SPATA17: variants seen among roughly 807,000 people sequenced by gnomAD.
The protein encoded by SPATA17 is spermatogenesis-associated protein 17.
SPATA17 carries 53 observed loss-of-function variants against 62.2 expected under a neutral mutation model. The observed-to-expected ratio is 0.85, with a 90% CI of 0.68 to 1.07. SPATA17 has a LOEUF of 1.07. Ranked by LOEUF, SPATA17 falls within the 50% of genes least tolerant of loss-of-function variation. The pLI is 0.00. For missense variants in SPATA17, 466 were observed against 425.5 expected (o/e 1.10, Z -0.84); for synonymous variants, 146 against 146.8 (o/e 0.99, Z 0.04).
At chr1:217,664,027 A>G (rs1284088197) in intron 3 of SPATA17, among the ~76,000 whole-genome samples, 1 of 152,086 alleles carries the variant, frequency 6.6e-6, no homozygotes, top group Non-Finnish European at 1.5e-5. Context: ...GTCTTTTAAT[A>G]TAAATTAAGC....
intron 9 of SPATA17, among the ~76,000 whole-genome samples, chr1:217,814,364 T>C (rs1371670320): frequency 6.6e-6 from 1 of 152,156 alleles, no homozygotes; most frequent in Non-Finnish European, 1.5e-5. Context: ...AACATTTCCG[T>C]CGGAGGTCTG....
intron 5 of SPATA17, among the ~76,000 whole-genome samples, chr1:217,730,266 A>G (rs1202474897): frequency 6.7e-6 from 1 of 149,808 alleles, no homozygotes; most frequent in African/African-American, 2.5e-5. Context: ...CGCCAAGGCT[A>G]CAGTGCAATG....
chr1:217,700,883 G>C (rs1042517893), intron 5 of SPATA17, among the ~76,000 whole-genome samples: 4 of 151,264 alleles, frequency 2.6e-5, no homozygotes, highest in African/African-American at 9.7e-5. Context: ...TGGGATTACG[G>C]TTATGAGGCA....
chr1:217,658,175 G>A (rs1285133379), intron 3 of SPATA17, among the ~76,000 whole-genome samples: 1 of 152,198 alleles, frequency 6.6e-6, no homozygotes, highest in African/African-American at 2.4e-5. Flanking sequence ...ATATAACCCA[G>A]TGTTGGAGGT....
chr1:217,682,275 T>C (rs1346390832), intron 4 of SPATA17, among the ~76,000 whole-genome samples: 1 of 151,880 alleles, frequency 6.6e-6, no homozygotes, highest in Non-Finnish European at 1.5e-5. Flanking sequence ...TTAAGGACAG[T>C]GACTGATTCT....
chr1:217,725,644 G>A (rs887696169), intron 5 of SPATA17, among the ~76,000 whole-genome samples: 1 of 152,098 alleles, frequency 6.6e-6, no homozygotes, highest in African/African-American at 2.4e-5. Flanking sequence ...TGTATTTTTA[G>A]TAGAGACAGA....
At chr1:217,863,985 C>T (rs915786280) in intron 10 of SPATA17, among the ~76,000 whole-genome samples, 17 of 152,142 alleles carry the variant, frequency 1.1e-4, no homozygotes, top group African/African-American at 3.1e-4. Context: ...ACTCTTTCCT[C>T]TCTCCCCACT....
intron 8 of SPATA17, among the ~76,000 whole-genome samples, chr1:217,792,779 G>GT (rs941103214): frequency 5.1e-4 from 77 of 151,902 alleles, no homozygotes; most frequent in African/African-American, 1.2e-3. Flanking sequence ...ATCAAATACA[G>GT]TTTTTTTTGT....
At chr1:217,771,059 C>T (rs2102969883) in intron 6 of SPATA17, among the ~76,000 whole-genome samples, 2 of 125,344 alleles carry the variant, frequency 1.6e-5, no homozygotes, top group East Asian at 5.3e-4. Flanking sequence ...AGTGCTTTCA[C>T]ACCTCATTTG....
chr1:217,784,515 A>T (rs183818808), intron 8 of SPATA17, among the ~76,000 whole-genome samples: 15 of 152,238 alleles, frequency 9.9e-5, no homozygotes, highest in Admixed American at 3.9e-4. Flanking sequence ...GTTCCATTAA[A>T]CAGCAGTATA....
intron 9 of SPATA17, among the ~76,000 whole-genome samples, chr1:217,815,378 C>T (rs1032584395): frequency 1.6e-4 from 24 of 152,090 alleles, no homozygotes; most frequent in African/African-American, 4.6e-4. Context: ...CTGGAGAATT[C>T]GAATGGATAT....
chr1:217,846,187 C>T (rs1675523864), intron 9 of SPATA17, among the ~76,000 whole-genome samples: 1 of 152,018 alleles, frequency 6.6e-6, no homozygotes. Context: ...CTAGATATAT[C>T]ATTAATGGTA....
intron 7 of SPATA17, among the ~76,000 whole-genome samples, chr1:217,774,760 CCT>C (rs1213630647): frequency 2.8e-4 from 42 of 152,170 alleles, no homozygotes; most frequent in Admixed American, 2.7e-3. Flanking sequence ...TGCCCCATCC[CCT>C]GACATGACTT....
intron 9 of SPATA17, among the ~76,000 whole-genome samples, chr1:217,822,462 A>G (rs1421830865): frequency 6.6e-6 from 1 of 150,976 alleles, no homozygotes; most frequent in Non-Finnish European, 1.5e-5. Context: ...CTTTAGGTAT[A>G]GATTTTGTTT....
At chr1:217,738,925 G>A (rs923477720) in intron 5 of SPATA17, among the ~76,000 whole-genome samples, 4 of 152,108 alleles carry the variant, frequency 2.6e-5, no homozygotes, top group South Asian at 2.1e-4. Flanking sequence ...GCACTCCAGC[G>A]TGGGTGACAG....
rs769042495 is a variant in SPATA17, at chr1:217,631,374, A to G, written c.-5A>G. On this transcript the variant is annotated 5_prime_UTR_variant, in exon 1 of 11. Coordinates refer to ENST00000366933, the MANE Select transcript of SPATA17 (RefSeq NM_138796.4). ...CACCAGTTGTAAACCCAAGGCCAAG[A>G]GACCATGGCCACGTTAGCCCGGCTG... 20 of 1,613,992 alleles carry G rather than the reference A, an allele frequency of 1.2e-5. No homozygotes were observed. In the East Asian group the frequency reaches 3.6e-4, roughly 29 times the overall value.
chr1:217,647,889 A>G (rs1670224973), intron 1 of SPATA17, among the ~76,000 whole-genome samples: 1 of 151,816 alleles, frequency 6.6e-6, no homozygotes. Context: ...CGCTTGGCTA[A>G]TTTTTGTATT....
chr1:217,806,244 A>G (rs925151674), intron 9 of SPATA17, among the ~76,000 whole-genome samples: 10 of 152,304 alleles, frequency 6.6e-5, no homozygotes, highest in Admixed American at 6.5e-4. Flanking sequence ...TGGCAGGGTC[A>G]CCCTGATGGC....
chr1:217,765,888 A>G (rs12725155), intron 6 of SPATA17, among the ~76,000 whole-genome samples: 42,150 of 151,698 alleles, frequency 0.28, 7,250 homozygotes, highest in Non-Finnish European at 0.39. Flanking sequence ...TGGGAAATTG[A>G]GTGCTTTATC....
Sources: allele counts gnomAD v4.1 joint callset (sites outside exome capture counted in the v4.1 genomes callset), GRCh38; gene constraint gnomAD v4.1.1; transcripts MANE v1.5; gene names NCBI Gene and HGNC (gene_info 2026-07-23, HGNC 2026-07-21).